Variants in SV2B observed in about 807,000 individuals in gnomAD.
SV2B encodes the protein solute carrier family 22 member B2.
A neutral mutation model predicts 73.9 loss-of-function variants in SV2B; 41 were observed. The ratio of observed to expected loss-of-function variants is 0.56; its 90% CI spans 0.43 to 0.72. SV2B has a LOEUF of 0.72. SV2B is among the 30% of genes least tolerant of loss of function. The pLI is 0.00. For missense variants in SV2B, 764 were observed against 857.8 expected (o/e 0.89, Z 1.37); for synonymous variants, 314 against 314.2 (o/e 1.00, Z 0.01).
At position 91,118,170 on chromosome 15, in the gene SV2B, TG is replaced by T. The variant is rs1349199585; in HGVS notation, c.-392+17811del. 6.6e-6 allele frequency among the ~76,000 whole-genome samples: 1 copy of T among 152,148 alleles called. No homozygotes were observed. Among genetic ancestry groups the T allele is most frequent in the African/African-American group, 2.4e-5 (1 of 41,426 alleles). ...AAAGGGCCTCCAAGAGACTCCCTTA[TG>T]GGGAGTGGAGATGCTTGCAAAAAGG... On this transcript the variant is annotated intron_variant, in intron 1 of 12. Coordinates refer to ENST00000394232, the MANE Select transcript of SV2B (RefSeq NM_001323032.3). The surrounding 1 kb of genome is among the most constrained non-coding windows in gnomAD (Gnocchi z 4.7).
At chr15:91,248,317 A>G (rs1362749493) in intron 2 of SV2B, among the ~76,000 whole-genome samples, 1 of 152,206 alleles carries the variant, frequency 6.6e-6, no homozygotes, top group African/African-American at 2.4e-5. Context: ...CATCTAAAAA[A>G]CAAAAAACAA....
At chr15:91,279,952 C>G (rs977405412) in intron 9 of SV2B, among the ~76,000 whole-genome samples, 1 of 152,176 alleles carries the variant, frequency 6.6e-6, no homozygotes, top group Non-Finnish European at 1.5e-5. Context: ...AAATTTGGCC[C>G]TAAGAAAAAT....
intron 9 of SV2B, among the ~76,000 whole-genome samples, chr15:91,276,063 A>G (rs1596764924): frequency 7.2e-6 from 1 of 138,264 alleles, no homozygotes; most frequent in Non-Finnish European, 1.6e-5. Context: ...CTGGGTGGAC[A>G]GTTTTTTTTT....
At chr15:91,102,937 G>A (rs1360118152) in intron 1 of SV2B, among the ~76,000 whole-genome samples, 1 of 152,148 alleles carries the variant, frequency 6.6e-6, no homozygotes, top group Non-Finnish European at 1.5e-5. Context: ...ATAGGAGAGA[G>A]GTGTGTTCCC....
intron 1 of SV2B, among the ~76,000 whole-genome samples, chr15:91,221,105 A>G (rs903797433): frequency 2.0e-5 from 3 of 152,120 alleles, no homozygotes; most frequent in African/African-American, 7.2e-5. Context: ...GAATCAAGCA[A>G]TCCTCCCACC....
chr15:91,217,735 G>C (rs1221405353), intron 1 of SV2B, among the ~76,000 whole-genome samples: 1 of 152,194 alleles, frequency 6.6e-6, no homozygotes, highest in African/African-American at 2.4e-5. Context: ...AGATACATGA[G>C]AAAATATTGA....
At chr15:91,175,324 G>A (rs562402941) in intron 1 of SV2B, among the ~76,000 whole-genome samples, 8 of 151,702 alleles carry the variant, frequency 5.3e-5, no homozygotes, top group Admixed American at 3.9e-4. Flanking sequence ...GCACGATCTC[G>A]GCTTACTGCA....
chr15:91,276,440 C>T (rs542774906), intron 9 of SV2B, among the ~76,000 whole-genome samples: 2 of 152,130 alleles, frequency 1.3e-5, no homozygotes, highest in South Asian at 2.1e-4. Context: ...ATTCCAATTG[C>T]ACCTATGTTA....
rs116415366 is a variant in SV2B at position 91,232,949 on chromosome 15, C to T, written c.451+6235C>T. 5.3e-3 allele frequency among the ~76,000 whole-genome samples: 806 copies of T among 152,266 alleles called. 7 individuals carry two copies. The highest frequency in any genetic ancestry group is 0.018 in the African/African-American group (755 of 41,554). ...TTTAGCGCTCGCTTATAAGTGAGAA[C>T]ATGCAGTGTTTAGTTTTCTACTCCT... On this transcript the variant is annotated intron_variant, in intron 2 of 12. Coordinates refer to ENST00000394232, the MANE Select transcript of SV2B (RefSeq NM_001323032.3). This position sits in a 1 kb window ranked among gnomAD's most constrained non-coding sequence, Gnocchi z 4.7.
At chr15:91,211,975 G>T (rs181065867) in intron 1 of SV2B, among the ~76,000 whole-genome samples, 49 of 152,024 alleles carry the variant, frequency 3.2e-4, no homozygotes, top group Admixed American at 7.2e-4. Flanking sequence ...TCAGCCAGAA[G>T]AATTATTTTT....
chr15:91,272,433 T>G (rs2048345044), intron 9 of SV2B, among the ~76,000 whole-genome samples: 1 of 152,062 alleles, frequency 6.6e-6, no homozygotes, highest in South Asian at 2.1e-4. Flanking sequence ...ATTTAAACCT[T>G]TCTGCACATC....
At chr15:91,102,298 C>T (rs11634420) in intron 1 of SV2B, 47,761 of 152,124 alleles carry the variant, frequency 0.31, 9,207 homozygotes, top group Non-Finnish European at 0.43. Context: ...GAAGCATGAG[C>T]GTGGATGCTC....
At chr15:91,249,240 C>T (rs1317270253) in intron 2 of SV2B, among the ~76,000 whole-genome samples, 1 of 152,206 alleles carries the variant, frequency 6.6e-6, no homozygotes, top group African/African-American at 2.4e-5. Flanking sequence ...CTTTTTGCCT[C>T]AGTCACCAAA....
intron 1 of SV2B, among the ~76,000 whole-genome samples, chr15:91,193,811 T>C (rs1014192515): frequency 1.3e-5 from 2 of 152,230 alleles, no homozygotes; most frequent in African/African-American, 4.8e-5. Flanking sequence ...AATATGTTTA[T>C]TGTCTCAGGG....
chr15:91,274,939 T>C (rs2141722339), intron 9 of SV2B, among the ~76,000 whole-genome samples: 1 of 152,302 alleles, frequency 6.6e-6, no homozygotes, highest in South Asian at 2.1e-4. Context: ...CTATCTGATA[T>C]TATCTAAATC....
chr15:91,184,352 T>C (rs929714024), intron 1 of SV2B, among the ~76,000 whole-genome samples: 3 of 152,206 alleles, frequency 2.0e-5, no homozygotes, highest in African/African-American at 7.2e-5. Context: ...AATTCTGATC[T>C]CTTCAGGCAT....
chr15:91,178,880 G>A (rs1482802383), intron 1 of SV2B, among the ~76,000 whole-genome samples: 2 of 146,764 alleles, frequency 1.4e-5, no homozygotes, highest in East Asian at 4.2e-4. Flanking sequence ...GGTTTTTTGT[G>A]TCTCTATTTC....
chr15:91,178,971 T>C (rs1377625647), intron 1 of SV2B, among the ~76,000 whole-genome samples: 3 of 151,924 alleles, frequency 2.0e-5, no homozygotes, highest in Middle Eastern at 3.4e-3. Flanking sequence ...TCTGGTTCTT[T>C]TAATTGTGAT....
At chr15:91,111,556 T>G (rs1232452010) in intron 1 of SV2B, among the ~76,000 whole-genome samples, 1 of 152,110 alleles carries the variant, frequency 6.6e-6, no homozygotes, top group African/African-American at 2.4e-5. Context: ...GAGGGGATAT[T>G]GTCTGATGAG....
Sources: allele counts gnomAD v4.1 joint callset (sites outside exome capture counted in the v4.1 genomes callset), GRCh38; gene constraint gnomAD v4.1.1; non-coding constraint Gnocchi (gnomAD v3.1); transcripts MANE v1.5; gene names NCBI Gene and HGNC (gene_info 2026-07-23, HGNC 2026-07-21).